Variants in NUDC observed in about 807,000 individuals in gnomAD.
NUDC encodes the protein nuclear migration protein nudC.
In NUDC, 14 loss-of-function variants were observed where a neutral mutation model predicts 45.0. The ratio of observed to expected loss-of-function variants is 0.31; its 90% CI spans 0.21 to 0.49. The LOEUF is 0.49. Among genes scored for constraint, NUDC ranks in the 20% least tolerant of loss-of-function variants. The probability of loss-of-function intolerance (pLI) is 0.99; values close to 1 mark genes in which losing one functional copy is unlikely to be tolerated. For synonymous variants in NUDC, 153 were observed against 156.7 expected (o/e 0.98, Z 0.17); for missense variants, 323 against 426.2 (o/e 0.76, Z 2.13).
At chr1:26,913,379 C>G (rs770099275) in intron 3 of NUDC, 2 of 1,609,616 alleles carry the variant, frequency 1.2e-6, no homozygotes, top group Admixed American at 3.3e-5. Flanking sequence ...TTCAGCCTTG[C>G]CCCCCACCCA....
chr1:26,919,434 T>G (rs1034817988), upstream of NUDC, among the ~76,000 whole-genome samples: 2 of 152,234 alleles, frequency 1.3e-5, no homozygotes, highest in African/African-American at 4.8e-5. Context: ...GTGTTGGGAT[T>G]ACAGGCATGA....
chr1:26,935,272 C>T (rs1364457716), intron 2 of NUDC, among the ~76,000 whole-genome samples: 2 of 152,128 alleles, frequency 1.3e-5, no homozygotes, highest in East Asian at 1.9e-4. Flanking sequence ...CGTGAGCCAC[C>T]GTGCCCAGCC....
chr1:26,916,762 C>G (rs1392228900), upstream of NUDC, among the ~76,000 whole-genome samples: 3 of 152,146 alleles, frequency 2.0e-5, no homozygotes, highest in African/African-American at 7.2e-5. Flanking sequence ...TCAAGACCAG[C>G]TTGGAAACAT....
upstream of NUDC, among the ~76,000 whole-genome samples, chr1:26,919,234 C>G (rs1284095175): frequency 6.6e-6 from 1 of 152,162 alleles, no homozygotes; most frequent in African/African-American, 2.4e-5. Context: ...CAGGCTCCCA[C>G]TGCCATGCCC....
intron 2 of NUDC, among the ~76,000 whole-genome samples, chr1:26,933,842 A>C (rs536316870): frequency 1.3e-5 from 2 of 152,294 alleles, no homozygotes; most frequent in South Asian, 4.1e-4. Flanking sequence ...AATACCCCAG[A>C]CTGGGTAATT....
intron 2 of NUDC, among the ~76,000 whole-genome samples, chr1:26,925,538 CAAAAAAAAAAAAAA>C (rs71010305): frequency 2.3e-5 from 1 of 43,360 alleles, no homozygotes. Context: ...GACTCCGTCT[CAAAAAAAAAAAAAA>C]AAAAAAAAGA....
chr1:26,925,659 CTTCT>C (rs1418691547), intron 2 of NUDC, among the ~76,000 whole-genome samples: 2 of 149,622 alleles, frequency 1.3e-5, no homozygotes, highest in Non-Finnish European at 3.0e-5. Flanking sequence ...AGACCTTGAA[CTTCT>C]TTCTGATTCC....
Position 26,913,320 on chromosome 1 carries a change from A to G in NUDC, c.93+2085A>G, listed in dbSNP as rs769218796. On this transcript the variant is annotated intron_variant, in intron 3 of 6. Transcript: ENST00000435827. ...AAAAAGAAAATGAGGACCCAATGAG[A>G]TAACAGATATCAAACCCTTAGAAGC... is the stretch of plus-strand genomic sequence containing the variant. 18 of 1,158,318 alleles carry G rather than the reference A, an allele frequency of 1.6e-5. No homozygotes were observed. In the East Asian group the frequency reaches 3.0e-4, roughly 20 times the overall value. The allele number at this position is 1,158,318 out of a possible 1,614,324, so 71.8% of individuals were successfully genotyped here.
At chr1:26,921,426 TG>T (rs540157770), upstream of NUDC, among the ~76,000 whole-genome samples, 5 of 152,194 alleles carry the variant, frequency 3.3e-5, no homozygotes, top group South Asian at 6.2e-4. Context: ...CTCTACAAGC[TG>T]GGGGGGTCGC....
In NUDC at chr1:26,924,079, C is replaced by G. The variant is rs930693811; in HGVS notation, c.82-10C>G. 1.9e-5 allele frequency: 31 copies of G among 1,613,714 alleles called. 1 individual carries two copies. Among genetic ancestry groups the G allele is most frequent in the Non-Finnish European group, 9.3e-6 (11 of 1,179,760 alleles). ...AGCTCTACTACTTTAATCTTCTCCC[C>G]CTCTTTCAGCTTGTGAACACCTTCT... On this transcript the variant is annotated splice_polypyrimidine_tract_variant and intron_variant, in intron 1 of 8. Transcript: ENST00000321265.
chr1:26,938,976 T>C (rs1447220079), intron 2 of NUDC, among the ~76,000 whole-genome samples: 1 of 152,156 alleles, frequency 6.6e-6, no homozygotes, highest in Non-Finnish European at 1.5e-5. Flanking sequence ...TGAGACATTC[T>C]AGGCAAAGAA....
At chr1:26,914,003 T>G in intron 3 of NUDC, 2 of 1,310,614 alleles carry the variant, frequency 1.5e-6, no homozygotes, top group Non-Finnish European at 2.0e-6. Flanking sequence ...GGGTGCTATT[T>G]ATATTCCCAG....
chr1:26,927,519 T>C (rs892015227), intron 2 of NUDC, among the ~76,000 whole-genome samples: 8 of 151,168 alleles, frequency 5.3e-5, no homozygotes, highest in Non-Finnish European at 4.4e-5. Flanking sequence ...TGCCTCAGCC[T>C]CCTGAGTAGC....
rs577390400 is a variant in NUDC, at chr1:26,914,024, G to C, written c.93+2789G>C. 3.0e-5 allele frequency: 35 copies of C among 1,148,328 alleles called. No individual in the cohort carries two copies. In the Admixed American group the frequency reaches 3.1e-4, roughly 10 times the overall value. 71.1% of individuals were successfully genotyped at this position (1,148,328 alleles called of 1,614,324 possible). A position where few individuals can be genotyped will look rare whatever the true frequency, so the allele number is the denominator to read the frequency against. ...TATTTATATTCCCAGTGAGTGGAAC[G>C]GGGGGAATGGCCCAACAACCTTGAC... On this transcript the variant is annotated intron_variant, in intron 3 of 6. Transcript: ENST00000435827.
chr1:26,901,662 C>G lies in NUDC; in HGVS notation c.-100-620C>G, dbSNP rs1333420002. Among the ~76,000 whole-genome samples the G allele has an allele frequency of 5.3e-5, 8 of 152,076 alleles. No homozygotes were observed. The East Asian group carries it at 1.5e-3, about 29-fold the overall frequency. On this transcript the variant is annotated intron_variant, in intron 1 of 6. Transcript: ENST00000435827. ...TCAGGTGATCCACCCGCCTTGGCCT[C>G]CCAAAGTGCTGAGATTACAGATGTA...
chr1:26,902,656 C>A (rs118133571), intron 2 of NUDC, among the ~76,000 whole-genome samples: 5 of 151,486 alleles, frequency 3.3e-5, no homozygotes, highest in African/African-American at 1.2e-4. Context: ...AGGTTGAGGT[C>A]GGAGGATCAC....
At chr1:26,936,543 C>T (rs540818197) in intron 2 of NUDC, among the ~76,000 whole-genome samples, 1 of 151,614 alleles carries the variant, frequency 6.6e-6, no homozygotes, top group East Asian at 2.0e-4. Context: ...CCAGGCTGGT[C>T]TCGAACTCCA....
chr1:26,919,707 T>G (rs929923954), upstream of NUDC, among the ~76,000 whole-genome samples: 1 of 152,138 alleles, frequency 6.6e-6, no homozygotes, highest in Non-Finnish European at 1.5e-5. Context: ...CAATCCAAAC[T>G]GAGTGTATTT....
At chr1:26,925,927 G>C (rs1189909332) in intron 2 of NUDC, among the ~76,000 whole-genome samples, 2 of 151,802 alleles carry the variant, frequency 1.3e-5, no homozygotes, top group Non-Finnish European at 2.9e-5. Context: ...TCACCATGTT[G>C]GCCAGGCTGG....
Sources: gnomAD v4.1 joint callset for allele counts (sites outside exome capture counted in the v4.1 genomes callset) on GRCh38, gnomAD v4.1.1 for gene constraint, MANE v1.5 for transcripts, NCBI Gene and HGNC (gene_info 2026-07-23, HGNC 2026-07-21) for gene names.